Variants in EPM2A observed in about 807,000 individuals in gnomAD.
The protein encoded by EPM2A is EPM2A glucan phosphatase, laforin, also known as laforin.
A neutral mutation model predicts 26.5 loss-of-function variants in EPM2A; 21 were observed. That is an observed-to-expected ratio of 0.79 (90% CI 0.56 to 1.14). EPM2A has a LOEUF of 1.14. Ranked by LOEUF, EPM2A falls within the 50% of genes most tolerant of loss-of-function variation. The pLI is 0.00. For synonymous variants in EPM2A, 217 were observed against 177.6 expected (o/e 1.22, Z -1.76); for missense variants, 458 against 440.8 (o/e 1.04, Z -0.35).
chr6:145,533,173 CA>C (rs1159490752), intron 2 of EPM2A, among the ~76,000 whole-genome samples: 3 of 152,134 alleles, frequency 2.0e-5, no homozygotes, highest in African/African-American at 7.2e-5. Flanking sequence ...AAAAGACTAT[CA>C]GGAGTCATTG....
chr6:145,705,458 G>A lies in EPM2A; in HGVS notation c.302-19162C>T, dbSNP rs919782971. 4.6e-5 allele frequency: 19 copies of A among 408,922 alleles called. 1 individual carries two copies. The highest frequency in any genetic ancestry group is 3.2e-4 in the South Asian group (18 of 55,422). The allele number at this position is 408,922 out of a possible 1,614,324, so 25.3% of individuals were successfully genotyped here. On this transcript the variant is annotated intron_variant, in intron 1 of 3. Transcript: ENST00000367519. ...TAGTCTCAGCTACTTGGGAGGCTGA[G>A]GTGGGAAGGTCACCTGAGCCAGAGA... is the stretch of plus-strand genomic sequence containing the variant.
intron 1 of EPM2A, among the ~76,000 whole-genome samples, chr6:145,707,668 G>T (rs896487495): frequency 6.6e-6 from 1 of 152,108 alleles, no homozygotes; most frequent in Non-Finnish European, 1.5e-5. Context: ...TTTGCCTTCC[G>T]CCATGATTGT....
chr6:145,540,271 C>A (rs142930985), intron 2 of EPM2A, among the ~76,000 whole-genome samples: 3 of 152,114 alleles, frequency 2.0e-5, no homozygotes. Context: ...TGGAAAAAAA[C>A]TGAAAGGAAA....
chr6:145,592,052 G>A (rs1220452755), intron 2 of EPM2A, among the ~76,000 whole-genome samples: 4 of 151,850 alleles, frequency 2.6e-5, no homozygotes, highest in African/African-American at 9.7e-5. Context: ...GGGTACATGT[G>A]CACAAAGTGC....
intron 1 of EPM2A, among the ~76,000 whole-genome samples, chr6:145,701,010 GT>G (rs2128625191): frequency 6.6e-6 from 1 of 152,288 alleles, no homozygotes; most frequent in African/African-American, 2.4e-5. Flanking sequence ...TATACAGCTA[GT>G]TGAAATGGAG....
At chr6:145,438,316 G>A (rs1040970305) in intron 4 of EPM2A, among the ~76,000 whole-genome samples, 1 of 152,100 alleles carries the variant, frequency 6.6e-6, no homozygotes, top group African/African-American at 2.4e-5. Context: ...TCCCTGTCCT[G>A]CTAACTGTAA....
intron 2 of EPM2A, among the ~76,000 whole-genome samples, chr6:145,526,460 T>A (rs1780274944): frequency 6.6e-6 from 1 of 151,996 alleles, no homozygotes; most frequent in Non-Finnish European, 1.5e-5. Flanking sequence ...TATTACTGAT[T>A]CATTTTCAGA....
chr6:145,499,606 A>G (rs2114749574), downstream of EPM2A, among the ~76,000 whole-genome samples: 1 of 152,346 alleles, frequency 6.6e-6, no homozygotes, highest in African/African-American at 2.4e-5. Flanking sequence ...GCACATAGTA[A>G]ATACTCAGAA....
chr6:145,730,696 C>T (rs990799624), intron 1 of EPM2A, among the ~76,000 whole-genome samples: 4 of 152,118 alleles, frequency 2.6e-5, no homozygotes, highest in Non-Finnish European at 4.4e-5. Flanking sequence ...TAGACTGGTT[C>T]ACATTCAGTT....
chr6:145,484,455 AAAGATAAC>A (rs1296120962), intron 4 of EPM2A, among the ~76,000 whole-genome samples: 1 of 152,120 alleles, frequency 6.6e-6, no homozygotes, highest in Non-Finnish European at 1.5e-5. Context: ...CCACCCCCAA[AAAGATAAC>A]AATCCTGTTG....
intron 2 of EPM2A, among the ~76,000 whole-genome samples, chr6:145,684,380 C>G (rs781285206): frequency 6.6e-6 from 1 of 152,120 alleles, no homozygotes; most frequent in Non-Finnish European, 1.5e-5. Flanking sequence ...AAAAAGGGTT[C>G]ATTCAGGAAA....
At chr6:145,490,545 A>G (rs1779740944) in intron 4 of EPM2A, 2 of 711,448 alleles carry the variant, frequency 2.8e-6, no homozygotes, top group African/African-American at 1.7e-5. Context: ...CTTTCTTCCC[A>G]GTTCTTTGCT....
intron 2 of EPM2A, among the ~76,000 whole-genome samples, chr6:145,664,310 G>A (rs1583000776): frequency 1.0e-5 from 1 of 100,446 alleles, no homozygotes; most frequent in African/African-American, 4.2e-5. Context: ...ATAAAAGGAT[G>A]GAGGAAGATC....
At chr6:145,644,445 T>C (rs1777310549) in intron 2 of EPM2A, among the ~76,000 whole-genome samples, 1 of 152,156 alleles carries the variant, frequency 6.6e-6, no homozygotes, top group Non-Finnish European at 1.5e-5. Context: ...TTTGAAAAGC[T>C]GCATAAGTTT....
rs777678187 is a variant in EPM2A, at chr6:145,635,351, G to C, written c.612C>G (p.Gly204=). 5 of 1,613,962 alleles carry C rather than the reference G, an allele frequency of 3.1e-6. No homozygotes were observed. Among genetic ancestry groups the C allele is most frequent in the Non-Finnish European group, 4.2e-6 (5 of 1,179,994 alleles). ...TEWDIVQNSS[G]CNRYPEPMTP... Reference sequence around the variant, plus strand: ...TCATGGGCTCTGGGTAGCGGTTACAGCCTGAGGAATTCTGTACAATATCCC... The same window carrying C: ...TCATGGGCTCTGGGTAGCGGTTACACCCTGAGGAATTCTGTACAATATCCC... The change falls in exon 3 of 4, where the codon GGC becomes GGG. Residue 204 remains glycine (G), a synonymous_variant. Coordinates refer to ENST00000367519, the MANE Select transcript of EPM2A (RefSeq NM_005670.4).
intron 2 of EPM2A, among the ~76,000 whole-genome samples, chr6:145,517,697 G>C (rs544699832): frequency 6.6e-6 from 1 of 152,260 alleles, no homozygotes; most frequent in Admixed American, 6.5e-5. Flanking sequence ...TCTGCGAAGG[G>C]AACAATGAAG....
chr6:145,410,576 T>C (rs1323571272), intron 4 of EPM2A, among the ~76,000 whole-genome samples: 1 of 152,214 alleles, frequency 6.6e-6, no homozygotes, highest in Non-Finnish European at 1.5e-5. Context: ...GAAATAGGTA[T>C]GTATGTTGGA....
At chr6:145,524,119 T>G (rs747166111) in intron 2 of EPM2A, among the ~76,000 whole-genome samples, 30 of 152,212 alleles carry the variant, frequency 2.0e-4, no homozygotes, top group Non-Finnish European at 4.1e-4. Flanking sequence ...AATGATATTA[T>G]TTTTTCATTT....
intron 4 of EPM2A, among the ~76,000 whole-genome samples, chr6:145,422,648 G>T (rs1469510681): frequency 2.0e-5 from 3 of 151,972 alleles, no homozygotes; most frequent in Non-Finnish European, 2.9e-5. Flanking sequence ...GGGCTCTAAA[G>T]GTTTTCAGCT....
Sources: gnomAD v4.1 joint callset for allele counts (sites outside exome capture counted in the v4.1 genomes callset) on GRCh38, gnomAD v4.1.1 for gene constraint, MANE v1.5 for transcripts, NCBI Gene and HGNC (gene_info 2026-07-23, HGNC 2026-07-21) for gene names.